The following RUVBL1 variants were observed in gnomAD, a reference collection of about 807,000 sequenced individuals.
The protein encoded by RUVBL1 is RuvB like AAA ATPase 1, also known as ruvB-like 1.
RUVBL1 carries 4 observed loss-of-function variants against 52.4 expected under a neutral mutation model. That is an observed-to-expected ratio of 0.08 (90% CI 0.04 to 0.17). The LOEUF is 0.17. Ranked by LOEUF, RUVBL1 falls within the 10% of genes least tolerant of loss-of-function variation. The pLI is 1.00. For missense variants in RUVBL1, 298 were observed against 572.8 expected, an observed-to-expected ratio of 0.52 and a Z score of 4.90; for synonymous variants, 217 against 214.4, an observed-to-expected ratio of 1.01 and a Z score of -0.10.
intron 1 of RUVBL1, among the ~76,000 whole-genome samples, chr3:128,120,874 G>A (rs1042509332): frequency 6.6e-6 from 1 of 151,936 alleles, no homozygotes; most frequent in Non-Finnish European, 1.5e-5. Flanking sequence ...CCTGCTACTC[G>A]GGAGGCTGAG....
downstream of RUVBL1, among the ~76,000 whole-genome samples, chr3:128,076,588 C>T (rs567453843): frequency 6.6e-6 from 1 of 152,222 alleles, no homozygotes; most frequent in Non-Finnish European, 1.5e-5. The surrounding 1 kb of genome is among the most constrained non-coding windows in gnomAD (Gnocchi z 6.8). Flanking sequence ...AGGCCTAGGC[C>T]AGGCAGGGAT....
At chr3:128,134,868 G>A (rs550176171) in intron 1 of RUVBL1, among the ~76,000 whole-genome samples, 1 of 151,886 alleles carries the variant, frequency 6.6e-6, no homozygotes, top group South Asian at 2.1e-4. Context: ...AAAGAATGAA[G>A]CATGTCTACT....
rs374713624 is a variant in RUVBL1 at position 128,082,551 on chromosome 3, C to T, written c.1143G>A (p.Thr381=). 134 of 1,613,128 alleles carry T rather than the reference C, an allele frequency of 8.3e-5. No individual in the cohort carries two copies. The highest frequency in any genetic ancestry group is 1.1e-4 in the Non-Finnish European group (128 of 1,179,670). The change falls in exon 10 of 11, where the codon ACG becomes ACA. Residue 381 remains threonine (T), a synonymous_variant. Coordinates refer to ENST00000322623, the MANE Select transcript of RUVBL1 (RefSeq NM_003707.3). The surrounding 1 kb of genome is among the most constrained non-coding windows in gnomAD (Gnocchi z 4.7). ...CCTCCTCACTGATGTTGATTCCTTC[C>T]GTCTGGGCACGGATTTTAATGATCT... ...MKQIIKIRAQ[T]EGINISEEAL...
At chr3:128,077,869 C>G (rs999023269), downstream of RUVBL1, among the ~76,000 whole-genome samples, 1 of 152,198 alleles carries the variant, frequency 6.6e-6, no homozygotes. Flanking sequence ...GAATCAGGAA[C>G]TCTTTACTGC....
At chr3:128,116,670 T>C (rs1943529886) in intron 2 of RUVBL1, among the ~76,000 whole-genome samples, 2 of 152,226 alleles carry the variant, frequency 1.3e-5, no homozygotes, top group East Asian at 3.8e-4. Context: ...CTATCACCTA[T>C]ATTTTCTTTT....
At chr3:128,140,079 A>G (rs1943996818) in intron 1 of RUVBL1, among the ~76,000 whole-genome samples, 1 of 151,770 alleles carries the variant, frequency 6.6e-6, no homozygotes, top group African/African-American at 2.4e-5. Context: ...AATGGTGAAT[A>G]CCTTATTTAC....
At chr3:128,102,164 C>G (rs1054054011) in intron 4 of RUVBL1, among the ~76,000 whole-genome samples, 5 of 152,256 alleles carry the variant, frequency 3.3e-5, no homozygotes, top group African/African-American at 1.2e-4. Flanking sequence ...TCAAAGCTGG[C>G]ATCTTGCAGG....
intron 4 of RUVBL1, among the ~76,000 whole-genome samples, chr3:128,103,477 T>C (rs7641133): frequency 0.72 from 109,157 of 152,132 alleles, 39,322 homozygotes; most frequent in East Asian, 0.89. Context: ...GACATTTTTA[T>C]GATCTCCATA....
At chr3:128,097,754 C>T (rs528039167) in intron 7 of RUVBL1, among the ~76,000 whole-genome samples, 5 of 152,302 alleles carry the variant, frequency 3.3e-5, no homozygotes, top group Admixed American at 3.3e-4. Context: ...AAAAAGGTTG[C>T]ACAGGTGTTC....
intron 1 of RUVBL1, among the ~76,000 whole-genome samples, chr3:128,122,058 TCTTAGGCATAGAGCATGCA>T (rs371991031): frequency 0.018 from 2,709 of 152,260 alleles, 65 homozygotes; most frequent in African/African-American, 0.055. Context: ...ACAGCATCAC[TCTTAGGCATAGAGCATGCA>T]CTTAGGCATA....
At chr3:128,088,290 A>G (rs1000847242) in intron 8 of RUVBL1, among the ~76,000 whole-genome samples, 2 of 150,982 alleles carry the variant, frequency 1.3e-5, no homozygotes, top group African/African-American at 2.4e-5. Flanking sequence ...AAACCAACTT[A>G]TTTATCTTGG....
At chr3:128,077,848 A>C (rs1485862219), downstream of RUVBL1, among the ~76,000 whole-genome samples, 2 of 152,182 alleles carry the variant, frequency 1.3e-5, no homozygotes, top group Non-Finnish European at 2.9e-5. Flanking sequence ...ACCTCTTTCC[A>C]AGTGGGCCAG....
chr3:128,079,576 G>A (rs1392724186), downstream of RUVBL1, among the ~76,000 whole-genome samples: 1 of 152,174 alleles, frequency 6.6e-6, no homozygotes, highest in African/African-American at 2.4e-5. Flanking sequence ...AAAGACAAGC[G>A]CAGCCTCAGA....
chr3:128,130,595 C>CAA (rs71153121), intron 1 of RUVBL1, among the ~76,000 whole-genome samples: 38 of 104,906 alleles, frequency 3.6e-4, no homozygotes, highest in African/African-American at 1.2e-3. Context: ...CCCATCTCTA[C>CAA]AAAAAAAAAA....
chr3:128,092,207 C>A lies in RUVBL1; in HGVS notation c.1017-4399G>T, dbSNP rs1224452532. Among the ~76,000 whole-genome samples the A allele has an allele frequency of 2.6e-5, 4 of 152,162 alleles. No homozygotes were observed. The South Asian group carries it at 6.2e-4, about 24-fold the overall frequency. On this transcript the variant is annotated intron_variant, in intron 8 of 10. Transcript: ENST00000322623. ...TTATGCCCTACATGAAAATTAACTACAAATGGATCATAAACCTATATATAA... is the reference window on the plus strand; with the variant it reads ...TTATGCCCTACATGAAAATTAACTAAAAATGGATCATAAACCTATATATAA...
chr3:128,146,799 GTC>G (rs1944113393), intron 1 of RUVBL1, among the ~76,000 whole-genome samples: 1 of 151,780 alleles, frequency 6.6e-6, no homozygotes, highest in Non-Finnish European at 1.5e-5. Flanking sequence ...GTGTCCATGT[GTC>G]TGTGTGTGTG....
chr3:128,069,640 G>A, intron 9 of RUVBL1: 1 of 1,614,126 alleles, frequency 6.2e-7, no homozygotes, highest in Non-Finnish European at 8.5e-7. Flanking sequence ...GAGGTTGGCA[G>A]CATGGGGGCC....
intron 8 of RUVBL1, among the ~76,000 whole-genome samples, chr3:128,092,851 C>T (rs559981837): frequency 1.5e-4 from 23 of 152,194 alleles, no homozygotes; most frequent in African/African-American, 5.5e-4. Flanking sequence ...AGGTACATAA[C>T]CGAAAGAAAT....
At chr3:128,069,720 C>G (rs995466144) in intron 9 of RUVBL1, 51 of 1,464,328 alleles carry the variant, frequency 3.5e-5, no homozygotes, top group Non-Finnish European at 4.8e-5. Flanking sequence ...AAGGGGAGCT[C>G]TCATCATGGC....
Sources: gnomAD v4.1 joint callset for allele counts (sites outside exome capture counted in the v4.1 genomes callset) on GRCh38, gnomAD v4.1.1 for gene constraint, Gnocchi (gnomAD v3.1) non-coding constraint, MANE v1.5 for transcripts, NCBI Gene and HGNC (gene_info 2026-07-23, HGNC 2026-07-21) for gene names.